SIPA1L2: variants seen among roughly 807,000 people sequenced by gnomAD.
SIPA1L2 encodes signal-induced proliferation-associated 1-like protein 2.
SIPA1L2 carries 56 observed loss-of-function variants against 163.9 expected under a neutral mutation model. The observed-to-expected ratio is 0.34, with a 90% CI of 0.28 to 0.43. SIPA1L2 has a LOEUF of 0.43. Among genes scored for constraint, SIPA1L2 ranks in the 20% least tolerant of loss-of-function variants. The pLI is 1.00. For synonymous variants in SIPA1L2, 877 were observed against 865.7 expected (o/e 1.01, Z -0.23); for missense variants, 1,974 against 2,193.5 (o/e 0.90, Z 2.00).
chr1:232,626,230 CTTTT>C (rs56703620), intron 1 of SIPA1L2, among the ~76,000 whole-genome samples: 1 of 133,722 alleles, frequency 7.5e-6, no homozygotes, highest in Non-Finnish European at 1.6e-5. Flanking sequence ...CTAATATTTG[CTTTT>C]TTTTTTTTTT....
At chr1:232,455,408 G>A (rs1057115980) in intron 10 of SIPA1L2, among the ~76,000 whole-genome samples, 5 of 152,294 alleles carry the variant, frequency 3.3e-5, no homozygotes, top group East Asian at 1.9e-4. Flanking sequence ...TTGGCCGGGT[G>A]CCGTGGCTCA....
intron 3 of SIPA1L2, among the ~76,000 whole-genome samples, chr1:232,506,864 A>C (rs1403727158): frequency 6.6e-6 from 1 of 152,198 alleles, no homozygotes; most frequent in African/African-American, 2.4e-5. Flanking sequence ...TTTTAAATAT[A>C]TGAGCACTTA....
chr1:232,615,966 A>G (rs1662478540), intron 1 of SIPA1L2, among the ~76,000 whole-genome samples: 1 of 152,238 alleles, frequency 6.6e-6, no homozygotes, highest in African/African-American at 2.4e-5. Context: ...CAGCTATACG[A>G]TAGGCAGCTT....
chr1:232,504,119 T>G (rs966243347), intron 3 of SIPA1L2, among the ~76,000 whole-genome samples: 2 of 150,948 alleles, frequency 1.3e-5, no homozygotes, highest in Non-Finnish European at 3.0e-5. Flanking sequence ...GGAGAATCGC[T>G]TGAACCCAGG....
intron 2 of SIPA1L2, among the ~76,000 whole-genome samples, chr1:232,523,757 T>C (rs1353521448): frequency 6.6e-6 from 1 of 152,214 alleles, no homozygotes; most frequent in Non-Finnish European, 1.5e-5. Flanking sequence ...AAAGTATCTG[T>C]ATTATGGTGT....
chr1:232,534,511 A>G (rs988380952), intron 2 of SIPA1L2, among the ~76,000 whole-genome samples: 13 of 152,258 alleles, frequency 8.5e-5, no homozygotes, highest in Admixed American at 7.2e-4. Flanking sequence ...CTAAAAGTAC[A>G]GGCAACAACA....
intron 1 of SIPA1L2, among the ~76,000 whole-genome samples, chr1:232,581,161 A>C (rs1225775391): frequency 6.6e-6 from 1 of 152,112 alleles, no homozygotes; most frequent in South Asian, 2.1e-4. Context: ...CCTTTCCCAC[A>C]TTCCGTTCTG....
At chr1:232,584,938 G>C (rs1387937516) in intron 1 of SIPA1L2, among the ~76,000 whole-genome samples, 2 of 152,238 alleles carry the variant, frequency 1.3e-5, no homozygotes, top group African/African-American at 2.4e-5. Context: ...ATATGGGGGA[G>C]AGAGGAAGTA....
At chr1:232,554,047 G>A (rs1407518612) in intron 2 of SIPA1L2, among the ~76,000 whole-genome samples, 1 of 152,186 alleles carries the variant, frequency 6.6e-6, no homozygotes, top group Non-Finnish European at 1.5e-5. Flanking sequence ...TACTGCAGGA[G>A]GCAAGATTAA....
chr1:232,441,837 C>T lies in SIPA1L2; in HGVS notation c.3469G>A (p.Gly1157Ser). Residue 1157 changes from glycine (G) to serine (S), a missense_variant, in exon 13 of 23, where the codon GGC becomes AGC. Gly to Ser is a moderately conservative substitution (Grantham distance 56). Transcript: ENST00000674635. Reference protein sequence around the residue: ...CQSPLLLEHQGSGPLECDGAR... With the variant: ...CQSPLLLEHQSSGPLECDGAR... ...CCGTCACATTCCAAAGGGCCTGAGC[C>T]CTGGTGTTCGAGCAGTAGAGGGGAC... 1 of 1,613,512 alleles carries T rather than the reference C, an allele frequency of 6.2e-7. No homozygotes were observed. Among genetic ancestry groups the T allele is most frequent in the Non-Finnish European group, 8.5e-7 (1 of 1,179,816 alleles).
chr1:232,426,758 ATTG>A (rs1572880317), intron 17 of SIPA1L2, among the ~76,000 whole-genome samples: 1 of 152,214 alleles, frequency 6.6e-6, no homozygotes, highest in Admixed American at 6.5e-5. Context: ...CATTAAAATT[ATTG>A]TTGTGTTTAA....
At chr1:232,412,504 G>A (rs1026703289) in intron 19 of SIPA1L2, among the ~76,000 whole-genome samples, 112 of 152,150 alleles carry the variant, frequency 7.4e-4, no homozygotes, top group African/African-American at 2.5e-3. Flanking sequence ...GCTCAGAAAT[G>A]GCCTTGAGAA....
intron 16 of SIPA1L2, among the ~76,000 whole-genome samples, chr1:232,430,993 G>A (rs1662201877): frequency 6.6e-6 from 1 of 152,304 alleles, no homozygotes; most frequent in Admixed American, 6.5e-5. Context: ...CTCTCACTGA[G>A]CATTAGTGCC....
chr1:232,505,162 G>A (rs1417455698), intron 3 of SIPA1L2, among the ~76,000 whole-genome samples: 3 of 152,176 alleles, frequency 2.0e-5, no homozygotes, highest in Non-Finnish European at 4.4e-5. Flanking sequence ...TGCTCAAAAG[G>A]AAGAAGAAAA....
At chr1:232,425,167 A>T (rs1321790044) in intron 18 of SIPA1L2, among the ~76,000 whole-genome samples, 1 of 152,154 alleles carries the variant, frequency 6.6e-6, no homozygotes, top group Non-Finnish European at 1.5e-5. Context: ...ATCTCCAGGT[A>T]CTGAACTGCA....
chr1:232,456,266 C>T (rs1663912282), intron 10 of SIPA1L2, among the ~76,000 whole-genome samples: 1 of 152,076 alleles, frequency 6.6e-6, no homozygotes, highest in Non-Finnish European at 1.5e-5. Context: ...AACTGTTAAA[C>T]TGACAAAATT....
chr1:232,524,081 T>C (rs7535469), intron 2 of SIPA1L2, among the ~76,000 whole-genome samples: 106,237 of 152,088 alleles, frequency 0.7, 38,253 homozygotes, highest in Non-Finnish European at 0.8. Context: ...ATACTGAGTT[T>C]TGCTGAACAG....
Position 232,514,234 on chromosome 1 carries a change from A to G in SIPA1L2, c.1106T>C (p.Met369Thr). ...ACAGTTGCCTGTCTGGCCCGTAGGC[A>G]TCTGAGTCTGGGATGCTGCAGATGC... ...TGASAASQTQ[M>T]PTGQTGNCES... Residue 369 changes from methionine to threonine, a missense_variant, in exon 3 of 23, where the codon ATG becomes ACG. Met to Thr is a moderately conservative substitution (Grantham distance 81). This residue lies in a region of SIPA1L2 where 607 missense variants were observed against 624.0 expected (regional missense o/e 0.97). Transcript: ENST00000674635. 6.2e-7 allele frequency: 1 copy of G among 1,614,218 alleles called. No homozygotes were observed. Among genetic ancestry groups the G allele is most frequent in the Non-Finnish European group, 8.5e-7 (1 of 1,180,046 alleles).
chr1:232,445,888 G>T, intron 10 of SIPA1L2, 102 bp from the exon 11 acceptor site: 1 of 1,301,368 alleles, frequency 7.7e-7, no homozygotes, highest in Non-Finnish European at 1.1e-6. Context: ...CATGGTGTGT[G>T]CCTCTCCCGG....
Sources: allele counts gnomAD v4.1 joint callset (sites outside exome capture counted in the v4.1 genomes callset), GRCh38; gene constraint gnomAD v4.1.1; regional missense constraint gnomAD v4.1.1; transcripts MANE v1.5; gene names NCBI Gene and HGNC (gene_info 2026-07-23, HGNC 2026-07-21).